Variants in ZKSCAN2 observed in about 807,000 individuals in gnomAD.
The protein encoded by ZKSCAN2 is zinc finger protein with KRAB and SCAN domains 2.
ZKSCAN2 carries 38 observed loss-of-function variants against 90.5 expected under a neutral mutation model. That is an observed-to-expected ratio of 0.42 (90% CI 0.32 to 0.55). The LOEUF (loss-of-function observed/expected upper bound fraction) is 0.55, where lower values mean the gene tolerates loss of function less well. Ranked by LOEUF, ZKSCAN2 falls within the 20% of genes least tolerant of loss-of-function variation. The pLI is 0.11. For synonymous variants in ZKSCAN2, 429 were observed against 421.6 expected (o/e 1.02, Z -0.22); for missense variants, 1,167 against 1,202.6 (o/e 0.97, Z 0.44).
chr16:25,241,301 T>C (rs1962850777), intron 6 of ZKSCAN2, among the ~76,000 whole-genome samples: 1 of 152,250 alleles, frequency 6.6e-6, no homozygotes, highest in Admixed American at 6.5e-5. Flanking sequence ...TCTTTTCACC[T>C]ACATCCCACG....
At chr16:25,243,416 CTCCCAGGTT>C (rs1447272143) in intron 6 of ZKSCAN2, among the ~76,000 whole-genome samples, 12 of 152,226 alleles carry the variant, frequency 7.9e-5, no homozygotes, top group African/African-American at 2.4e-4. Context: ...CAACCTGCGC[CTCCCAGGTT>C]TCAAGTGATT....
In ZKSCAN2 at chr16:25,247,100, C is replaced by A. The variant is rs1426450315; in HGVS notation, c.1096G>T (p.Ala366Ser). Residue 366 changes from alanine to serine, a missense_variant, in exon 5 of 7, where the codon GCC becomes TCC. Ala to Ser is a moderately conservative substitution (Grantham distance 99). Coordinates refer to ENST00000328086, the MANE Select transcript of ZKSCAN2 (RefSeq NM_001012981.5). ...TACACTTGGCTATTTCGGGGACAGG[C>A]CTGAAGTGTTTCATAAAAGCGAGAC... ...KESRFYETLQ[A>S]CPRNSQVYGA... The A allele has an allele frequency of 1.2e-6, 2 of 1,614,070 alleles. No individual in the cohort carries two copies. The highest frequency in any genetic ancestry group is 1.7e-6 in the Non-Finnish European group (2 of 1,180,048).
rs1483488660 is a variant in ZKSCAN2, at chr16:25,255,211, T to C, written c.581A>G (p.Lys194Arg). 2 of 1,601,052 alleles carry C rather than the reference T, an allele frequency of 1.2e-6. No individual in the cohort carries two copies. The highest frequency in any genetic ancestry group is 1.7e-6 in the Non-Finnish European group (2 of 1,176,020). Residue 194 changes from lysine (K) to arginine (R), a missense_variant, in exon 2 of 7, where the codon AAG (lysine) becomes AGG (arginine). Physicochemically the swap from Lys to Arg is conservative, Grantham distance 26. Transcript: ENST00000328086. Reference protein sequence around the residue: ...NRKRERRPLPKNARPSPWVPA... With the variant: ...NRKRERRPLPRNARPSPWVPA... ...CTCCGAGTCTTCCCTCTTACCATTC[T>C]TGGGTAAGGGCCGACGTTCTCGCTT... is the stretch of plus-strand genomic sequence containing the variant.
intron 1 of ZKSCAN2, among the ~76,000 whole-genome samples, chr16:25,255,981 G>A (rs1179125089): frequency 1.3e-5 from 2 of 152,172 alleles, no homozygotes; most frequent in Non-Finnish European, 2.9e-5. Flanking sequence ...TATCTGTTAC[G>A]TTCGCAAAGA....
At chr16:25,246,552 C>T in intron 5 of ZKSCAN2, 155 bp downstream of exon 5, 1 of 734,750 alleles carries the variant, frequency 1.4e-6, no homozygotes, top group Non-Finnish European at 2.3e-6. Context: ...CAGCAGCAAG[C>T]ACCTGAGAGT....
intron 4 of ZKSCAN2, 75 bp from the exon 5 acceptor site, chr16:25,247,465 G>A: frequency 7.8e-7 from 1 of 1,287,574 alleles, no homozygotes; most frequent in Non-Finnish European, 1.1e-6. Context: ...GCTGTCACAT[G>A]CTCTCCTGGG....
chr16:25,246,577 G>C (rs1962936124), intron 5 of ZKSCAN2, 130 bp downstream of exon 5: 1 of 907,586 alleles, frequency 1.1e-6, no homozygotes, highest in Admixed American at 1.9e-5. Flanking sequence ...CAGTGATGTG[G>C]CCACACCACA....
In ZKSCAN2 at chr16:25,257,396, T is replaced by C. The variant is rs1268206217; in HGVS notation, c.-269A>G. The C allele has an allele frequency of 2.6e-6, 3 of 1,164,562 alleles. No homozygotes were observed. The highest frequency in any genetic ancestry group is 3.2e-6 in the Non-Finnish European group (3 of 946,212). 72.1% of individuals were successfully genotyped at this position (1,164,562 alleles called of 1,614,324 possible). A position where few individuals can be genotyped will look rare whatever the true frequency, so the allele number is the denominator to read the frequency against. ...GTGGTTTTCCAGAGTGCATCCCTCT[T>C]AGTGCAAAGTCGGAAACCGGGAGGC... is the stretch of plus-strand genomic sequence containing the variant. On this transcript the variant is annotated 5_prime_UTR_variant, in exon 1 of 7. Transcript: ENST00000328086.
chr16:25,244,756 A>C (rs1962908925), intron 5 of ZKSCAN2, among the ~76,000 whole-genome samples: 1 of 152,228 alleles, frequency 6.6e-6, no homozygotes, highest in South Asian at 2.1e-4. Context: ...CCACTTCTGT[A>C]AGCAGTCTTC....
In ZKSCAN2 at chr16:25,257,519, C is replaced by A. The variant is rs535776149; in HGVS notation, c.-392G>T. The A allele has an allele frequency of 9.9e-5, 98 of 991,304 alleles. No homozygotes were observed. In the South Asian group the frequency reaches 3.9e-3, roughly 40 times the overall value. 61.4% of individuals were successfully genotyped at this position (991,304 alleles called of 1,614,324 possible). A position where few individuals can be genotyped will look rare whatever the true frequency, so the allele number is the denominator to read the frequency against. On this transcript the variant is annotated 5_prime_UTR_variant, in exon 1 of 7. Coordinates refer to ENST00000328086, the MANE Select transcript of ZKSCAN2 (RefSeq NM_001012981.5). Reference sequence around the variant, plus strand: ...GTGTGTCCGCTACTCCCGGGTCGGGCGCGGAGAGGCGAGTCCCCGAGTGGG... The same window carrying A: ...GTGTGTCCGCTACTCCCGGGTCGGGAGCGGAGAGGCGAGTCCCCGAGTGGG...
chr16:25,240,886 C>T, intron 6 of ZKSCAN2, 148 bp from the exon 7 acceptor site: 1 of 653,250 alleles, frequency 1.5e-6, no homozygotes, highest in East Asian at 2.7e-5. Flanking sequence ...TGCTATATTT[C>T]TTTCCATTCA....
chr16:25,250,036 C>T (rs145766163), intron 4 of ZKSCAN2, among the ~76,000 whole-genome samples: 51 of 152,246 alleles, frequency 3.3e-4, no homozygotes, highest in African/African-American at 1.2e-3. Context: ...GGAGCCTGGG[C>T]GCAGTGGCTC....
intron 4 of ZKSCAN2, among the ~76,000 whole-genome samples, chr16:25,247,756 C>T (rs1261843326): frequency 1.3e-5 from 2 of 152,110 alleles, no homozygotes; most frequent in Non-Finnish European, 2.9e-5. Flanking sequence ...TCCCCACATT[C>T]CCCTCCATGC....
chr16:25,241,357 G>C (rs1442863058), intron 6 of ZKSCAN2, among the ~76,000 whole-genome samples: 1 of 152,202 alleles, frequency 6.6e-6, no homozygotes, highest in African/African-American at 2.4e-5. Context: ...TTTCTGGACA[G>C]AGAGCATGAC....
intron 2 of ZKSCAN2, 94 bp downstream of exon 2, chr16:25,255,112 A>G: frequency 7.7e-7 from 1 of 1,306,624 alleles, no homozygotes; most frequent in Non-Finnish European, 1.0e-6. Context: ...AATATGTATC[A>G]AGGAGGCCCT....
intron 4 of ZKSCAN2, among the ~76,000 whole-genome samples, chr16:25,247,720 T>C (rs1437064022): frequency 6.6e-6 from 1 of 152,222 alleles, no homozygotes. Flanking sequence ...TCAGTATTTG[T>C]TACTTGTAAA....
intron 4 of ZKSCAN2, among the ~76,000 whole-genome samples, chr16:25,248,515 A>G (rs1962971807): frequency 6.6e-6 from 1 of 152,176 alleles, no homozygotes; most frequent in Non-Finnish European, 1.5e-5. Flanking sequence ...CATCTTCCCA[A>G]AGAAGACATA....
chr16:25,252,168 G>T, intron 3 of ZKSCAN2, 133 bp from the exon 4 acceptor site: 5 of 956,112 alleles, frequency 5.2e-6, no homozygotes, highest in East Asian at 2.5e-5. Context: ...TGCGCCAAAT[G>T]AAGCAGAAGA....
rs1351982707 is a variant in ZKSCAN2, at chr16:25,239,655, T to A, written c.*161A>T. On this transcript the variant is annotated 3_prime_UTR_variant, in exon 7 of 7. Coordinates refer to ENST00000328086, the MANE Select transcript of ZKSCAN2 (RefSeq NM_001012981.5). ...ACACAGAAGAGGAGGAACAGACTGA[T>A]GAAGTTAGAGGCAGAGGTGAGAACA... The A allele has an allele frequency of 1.7e-6, 1 of 603,132 alleles. No homozygotes were observed. Among genetic ancestry groups the A allele is most frequent in the Non-Finnish European group, 2.8e-6 (1 of 352,442 alleles). The allele number at this position is 603,132 out of a possible 1,614,324, so 37.4% of individuals were successfully genotyped here.
Sources: allele counts gnomAD v4.1 joint callset (sites outside exome capture counted in the v4.1 genomes callset), GRCh38; gene constraint gnomAD v4.1.1; transcripts MANE v1.5; gene names NCBI Gene and HGNC (gene_info 2026-07-23, HGNC 2026-07-21).